The following FHIT variants were observed in gnomAD, a reference collection of about 807,000 sequenced individuals.
FHIT encodes the protein bis(5'-adenosyl)-triphosphatase.
In FHIT, 19 loss-of-function variants were observed where a neutral mutation model predicts 17.9. That is an observed-to-expected ratio of 1.06 (90% CI 0.74 to 1.56). The LOEUF (loss-of-function observed/expected upper bound fraction) is 1.56. Among genes scored for constraint, FHIT ranks in the 40% most tolerant of loss-of-function variants. FHIT has a pLI of 0.00. For missense variants in FHIT, 248 were observed against 189.2 expected, an observed-to-expected ratio of 1.31 and a Z score of -1.82; for synonymous variants, 81 against 69.7, an observed-to-expected ratio of 1.16 and a Z score of -0.81.
At chr3:60,130,784 G>GTGTATATACACACATATGTGTGTGTGT (rs148356992) in intron 5 of FHIT, among the ~76,000 whole-genome samples, 6 of 111,728 alleles carry the variant, frequency 5.4e-5, no homozygotes, top group African/African-American at 1.8e-4. Context: ...GTGTGTGTGT[G>GTGTATATACACACATATGTGTGTGTGT]GTGTGTATAT....
intron 8 of FHIT, among the ~76,000 whole-genome samples, chr3:59,861,053 G>A (rs1702381833): frequency 6.6e-6 from 1 of 152,128 alleles, no homozygotes. Context: ...GTGGCACTGA[G>A]CAGAAACTTG....
intron 4 of FHIT, among the ~76,000 whole-genome samples, chr3:60,803,011 GAAATAAAT>G (rs36036534): frequency 2.0e-5 from 3 of 151,928 alleles, no homozygotes; most frequent in East Asian, 1.9e-4. Context: ...AAACCAAACC[GAAATAAAT>G]AAATAAATAA....
At chr3:60,753,806 C>T (rs782810429) in intron 4 of FHIT, among the ~76,000 whole-genome samples, 1 of 152,142 alleles carries the variant, frequency 6.6e-6, no homozygotes, top group Non-Finnish European at 1.5e-5. Flanking sequence ...ACACATGATA[C>T]ATGTGATTTG....
intron 2 of FHIT, among the ~76,000 whole-genome samples, chr3:61,184,772 G>C (rs1277726810): frequency 6.6e-6 from 1 of 152,142 alleles, no homozygotes; most frequent in African/African-American, 2.4e-5. Flanking sequence ...ATGAGAGAAG[G>C]TGAGAGGCAG....
intron 5 of FHIT, among the ~76,000 whole-genome samples, chr3:60,297,753 C>G (rs1708278220): frequency 6.6e-6 from 1 of 152,082 alleles, no homozygotes; most frequent in Admixed American, 6.6e-5. Context: ...ACACTTCTCA[C>G]ACCAGATTCT....
At chr3:59,753,296 C>T (rs892430937) in intron 8 of FHIT, among the ~76,000 whole-genome samples, 4 of 152,110 alleles carry the variant, frequency 2.6e-5, no homozygotes, top group African/African-American at 9.7e-5. Flanking sequence ...AAACAACTTA[C>T]AAAAAATTAA....
chr3:60,201,700 A>G (rs1702913986), intron 5 of FHIT, among the ~76,000 whole-genome samples: 2 of 152,188 alleles, frequency 1.3e-5, no homozygotes, highest in Admixed American at 1.3e-4. Context: ...ACTTCTGTGT[A>G]TATTTAACCT....
intron 5 of FHIT, among the ~76,000 whole-genome samples, chr3:60,070,344 C>T (rs1310005540): frequency 6.6e-6 from 1 of 152,240 alleles, no homozygotes; most frequent in East Asian, 1.9e-4. Context: ...TGATATATTG[C>T]TGGTGCCCAA....
At chr3:59,793,994 G>A (rs759416891) in intron 8 of FHIT, among the ~76,000 whole-genome samples, 6 of 152,030 alleles carry the variant, frequency 3.9e-5, no homozygotes, top group Non-Finnish European at 5.9e-5. Flanking sequence ...CATGGGACAC[G>A]GCGTGAGAAT....
At chr3:60,610,708 C>T (rs148424706) in intron 4 of FHIT, among the ~76,000 whole-genome samples, 1 of 152,280 alleles carries the variant, frequency 6.6e-6, no homozygotes, top group East Asian at 1.9e-4. Context: ...ATCAAAACAC[C>T]TTGCGGCTGC....
chr3:60,694,529 A>G (rs1273294335), intron 4 of FHIT, among the ~76,000 whole-genome samples: 1 of 152,212 alleles, frequency 6.6e-6, no homozygotes, highest in Non-Finnish European at 1.5e-5. Flanking sequence ...ATCTAGAACT[A>G]GAAATACCAT....
At chr3:61,213,063 A>G (rs987507431) in intron 1 of FHIT, among the ~76,000 whole-genome samples, 7 of 152,260 alleles carry the variant, frequency 4.6e-5, no homozygotes, top group East Asian at 1.9e-4. Context: ...GCCAAATTGT[A>G]AAGACCATCA....
intron 3 of FHIT, among the ~76,000 whole-genome samples, chr3:60,892,603 A>C (rs1207608631): frequency 2.0e-5 from 3 of 152,336 alleles, no homozygotes; most frequent in East Asian, 1.9e-4. Flanking sequence ...GGTGGGAAAA[A>C]GGCAAATTAT....
At chr3:60,390,395 C>CAAA (rs1701172943) in intron 5 of FHIT, among the ~76,000 whole-genome samples, 1 of 45,092 alleles carries the variant, frequency 2.2e-5, no homozygotes, top group African/African-American at 1.3e-4. Flanking sequence ...TGTAATGGAG[C>CAAA]TAAAAAAAAA....
intron 1 of FHIT, among the ~76,000 whole-genome samples, chr3:61,210,388 T>C (rs1470614351): frequency 1.3e-5 from 2 of 152,232 alleles, no homozygotes; most frequent in Non-Finnish European, 2.9e-5. Context: ...TGTTTGTCTG[T>C]GCCCGGCCCC....
In FHIT at chr3:60,299,387, T is replaced by C. The variant is rs566858039; in HGVS notation, c.103+237473A>G. On this transcript the variant is annotated intron_variant, in intron 5 of 9. Coordinates refer to ENST00000492590, the MANE Select transcript of FHIT (RefSeq NM_002012.4). ...TTCCTACTATTTTCATTTGGGGCAA[T>C]ACAACTTCAAAAATTAAAAAATAAA... 9.2e-5 allele frequency among the ~76,000 whole-genome samples: 14 copies of C among 152,248 alleles called. No individual in the cohort carries two copies. The South Asian group carries it at 2.5e-3, about 27-fold the overall frequency.
In FHIT at chr3:60,831,126, G is replaced by A. The variant is rs138000582; in HGVS notation, c.-110-9115C>T. 8.9e-4 allele frequency among the ~76,000 whole-genome samples: 135 copies of A among 152,262 alleles called. 1 individual carries two copies. Among genetic ancestry groups the A allele is most frequent in the African/African-American group, 2.7e-3 (113 of 41,568 alleles). ...TAAACAGAAAAGAAAATATTATTAAGTGATGGCACTTGAGGAAATAGTTAA... is the reference window on the plus strand; with the variant it reads ...TAAACAGAAAAGAAAATATTATTAAATGATGGCACTTGAGGAAATAGTTAA... On this transcript the variant is annotated intron_variant, in intron 3 of 9. Transcript: ENST00000492590.
chr3:60,326,720 C>T (rs78663805), intron 5 of FHIT, among the ~76,000 whole-genome samples: 1 of 152,300 alleles, frequency 6.6e-6, no homozygotes, highest in East Asian at 1.9e-4. Flanking sequence ...ACAGTATTTT[C>T]TGCCTGAGTC....
At chr3:61,089,411 T>G (rs993595989) in intron 2 of FHIT, among the ~76,000 whole-genome samples, 1 of 152,192 alleles carries the variant, frequency 6.6e-6, no homozygotes, top group Non-Finnish European at 1.5e-5. Context: ...CTCCAGTGCC[T>G]GGCAGCTACT....
Sources: allele counts gnomAD v4.1 joint callset (sites outside exome capture counted in the v4.1 genomes callset), GRCh38; gene constraint gnomAD v4.1.1; transcripts MANE v1.5; gene names NCBI Gene and HGNC (gene_info 2026-07-23, HGNC 2026-07-21).